Variants in GABRG3 observed in about 807,000 individuals in gnomAD.
GABRG3 encodes gamma-aminobutyric acid receptor subunit gamma-3.
GABRG3 carries 25 observed loss-of-function variants against 48.8 expected under a neutral mutation model. That is an observed-to-expected ratio of 0.51 (90% CI 0.37 to 0.72). GABRG3 has a LOEUF of 0.72. Among genes scored for constraint, GABRG3 ranks in the 30% least tolerant of loss-of-function variants. The pLI is 0.00. For missense variants in GABRG3, 394 were observed against 577.9 expected (o/e 0.68, Z 3.26); for synonymous variants, 227 against 217.6 (o/e 1.04, Z -0.38).
rs535295684 is a variant in GABRG3 at position 27,348,155 on chromosome 15, C to CAAAAAAAAAAAAAA, written c.574+19270_574+19271insAAAAAAAAAAAAAA. Among the ~76,000 whole-genome samples the CAAAAAAAAAAAAAA allele has an allele frequency of 4.6e-3, 472 of 102,924 alleles. 74 individuals are homozygous for CAAAAAAAAAAAAAA. Among genetic ancestry groups the CAAAAAAAAAAAAAA allele is most frequent in the African/African-American group, 0.02 (436 of 21,904 alleles). The allele number at this position is 102,924 out of a possible 152,430, so 67.5% of individuals were successfully genotyped here. Reference sequence around the variant, plus strand: ...TGGGTGACAGAGCGAGACTCCATCTCAAATAAATAAAGAGTTGGAGATTTT... The same window carrying CAAAAAAAAAAAAAA: ...TGGGTGACAGAGCGAGACTCCATCTCAAAAAAAAAAAAAAAAATAAATAAAGAGTTGGAGATTTT... On this transcript the variant is annotated intron_variant, in intron 5 of 9. Coordinates refer to ENST00000615808, the MANE Select transcript of GABRG3 (RefSeq NM_033223.5).
intron 5 of GABRG3, among the ~76,000 whole-genome samples, chr15:27,464,503 C>T (rs1016272401): frequency 2.6e-5 from 4 of 152,154 alleles, no homozygotes; most frequent in African/African-American, 9.6e-5. Context: ...TTTCTGGGTC[C>T]TACGGTAACT....
At chr15:27,336,334 A>G (rs548620837) in intron 5 of GABRG3, among the ~76,000 whole-genome samples, 31 of 151,470 alleles carry the variant, frequency 2.0e-4, no homozygotes, top group Non-Finnish European at 3.5e-4. Context: ...AGATGAAGAA[A>G]AAGGAAAGAA....
At position 27,018,834 on chromosome 15, in the gene GABRG3, C is replaced by T. The variant is rs149518335; in HGVS notation, c.203-7920C>T. ...GTTTGCTTATCCCATGTACCTTTTA[C>T]CCAAATTCTTCCACTTAGTCCCCAT... On this transcript the variant is annotated intron_variant, in intron 2 of 9. Coordinates refer to ENST00000615808, the MANE Select transcript of GABRG3 (RefSeq NM_033223.5). 6.1e-3 allele frequency among the ~76,000 whole-genome samples: 930 copies of T among 152,128 alleles called. 34 individuals are homozygous for T. The highest frequency in any genetic ancestry group is 0.052 in the Admixed American group (788 of 15,264).
At chr15:27,254,822 G>A (rs138712305) in intron 3 of GABRG3, among the ~76,000 whole-genome samples, 76 of 152,242 alleles carry the variant, frequency 5.0e-4, no homozygotes, top group African/African-American at 1.7e-3. Context: ...GCACAGTTGG[G>A]TAGGCACAAA....
intron 5 of GABRG3, among the ~76,000 whole-genome samples, chr15:27,360,071 C>T (rs1188885825): frequency 1.3e-5 from 2 of 152,160 alleles, no homozygotes; most frequent in East Asian, 3.9e-4. Flanking sequence ...GGCCACAGTG[C>T]ACTGGGTCAG....
intron 4 of GABRG3, among the ~76,000 whole-genome samples, 156 bp downstream of exon 4, chr15:27,327,185 A>G (rs1319048400): frequency 6.6e-6 from 1 of 152,208 alleles, no homozygotes; most frequent in Non-Finnish European, 1.5e-5. Context: ...CTCATGCAAC[A>G]TGTGTAAAAA....
chr15:27,449,029 G>C (rs1187927996), intron 5 of GABRG3, among the ~76,000 whole-genome samples: 3 of 152,112 alleles, frequency 2.0e-5, no homozygotes, highest in Non-Finnish European at 4.4e-5. Flanking sequence ...CTCCAAGAGG[G>C]GAGTAGAGTG....
chr15:27,092,841 A>G (rs1485650061), intron 3 of GABRG3, among the ~76,000 whole-genome samples: 1 of 152,004 alleles, frequency 6.6e-6, no homozygotes, highest in African/African-American at 2.4e-5. Context: ...TCCCTCCCAG[A>G]AGAGTGTCCC....
chr15:27,379,441 C>G (rs1279792857), intron 5 of GABRG3, among the ~76,000 whole-genome samples: 1 of 152,166 alleles, frequency 6.6e-6, no homozygotes, highest in Non-Finnish European at 1.5e-5. Context: ...TTTGAACAAA[C>G]TATTATCTGT....
chr15:27,226,725 C>G lies in GABRG3; in HGVS notation c.271-100084C>G, dbSNP rs556368191. Among the ~76,000 whole-genome samples, 20 of 152,314 alleles carry G rather than the reference C, an allele frequency of 1.3e-4. 1 individual carries two copies. Among genetic ancestry groups the G allele is most frequent in the African/African-American group, 3.8e-4 (16 of 41,590 alleles). ...TTCCTGGAGTGACGGGCACATAACT[C>G]TCCTGACCAGCAGATCCCCCTCTGG... On this transcript the variant is annotated intron_variant, in intron 3 of 9. Coordinates refer to ENST00000615808, the MANE Select transcript of GABRG3 (RefSeq NM_033223.5).
chr15:27,349,961 C>CA lies in GABRG3; in HGVS notation c.574+21082dup, dbSNP rs374395293. Reference sequence around the variant, plus strand: ...TTTTTTTTTTCTTCAGTGACAATAACAAAAAAAAACCTAACTTTCCCATCG... The same window carrying CA: ...TTTTTTTTTTCTTCAGTGACAATAACAAAAAAAAAACCTAACTTTCCCATCG... On this transcript the variant is annotated intron_variant, in intron 5 of 9. Coordinates refer to ENST00000615808, the MANE Select transcript of GABRG3 (RefSeq NM_033223.5). 4.4e-4 allele frequency among the ~76,000 whole-genome samples: 65 copies of CA among 146,730 alleles called. 1 individual carries two copies. Among genetic ancestry groups the CA allele is most frequent in the African/African-American group, 1.2e-3 (48 of 39,874 alleles).
intron 3 of GABRG3, among the ~76,000 whole-genome samples, chr15:27,120,532 T>C (rs1425574131): frequency 6.6e-6 from 1 of 152,164 alleles, no homozygotes; most frequent in African/African-American, 2.4e-5. Context: ...GGTCATGATA[T>C]TTTATCTTTG....
chr15:27,207,010 C>T lies in GABRG3; in HGVS notation c.271-119799C>T, dbSNP rs570134941. Among the ~76,000 whole-genome samples, 47 of 152,214 alleles carry T rather than the reference C, an allele frequency of 3.1e-4. 1 individual carries two copies. The highest frequency in any genetic ancestry group is 2.1e-3 in the South Asian group (10 of 4,812). On this transcript the variant is annotated intron_variant, in intron 3 of 9. Coordinates refer to ENST00000615808, the MANE Select transcript of GABRG3 (RefSeq NM_033223.5). ...TTTGGCTTCTTTATCCAAGATGCCA[C>T]GCTGTGCCTTTTGAGTGGGGTGTTT...
chr15:27,455,890 T>G (rs1266468092), intron 5 of GABRG3, among the ~76,000 whole-genome samples: 1 of 152,148 alleles, frequency 6.6e-6, no homozygotes, highest in Non-Finnish European at 1.5e-5. Context: ...CCTCCAATTC[T>G]GGGACCCCTG....
chr15:27,444,412 A>G (rs1888881241), intron 5 of GABRG3, among the ~76,000 whole-genome samples: 1 of 152,172 alleles, frequency 6.6e-6, no homozygotes, highest in Non-Finnish European at 1.5e-5. Flanking sequence ...ATTTTCTCTT[A>G]AAGTCCATAT....
At chr15:27,238,544 A>G (rs1179000763) in intron 3 of GABRG3, among the ~76,000 whole-genome samples, 1 of 152,240 alleles carries the variant, frequency 6.6e-6, no homozygotes, top group Non-Finnish European at 1.5e-5. Context: ...TCTATTCTGT[A>G]ACAGGAGGAA....
chr15:27,158,847 C>T (rs1898501896), intron 3 of GABRG3, among the ~76,000 whole-genome samples: 4 of 152,110 alleles, frequency 2.6e-5, no homozygotes, highest in African/African-American at 9.7e-5. Context: ...TGGCAAATTA[C>T]CACCTGAATA....
At chr15:27,445,733 G>GT (rs546144457) in intron 5 of GABRG3, among the ~76,000 whole-genome samples, 125 of 152,084 alleles carry the variant, frequency 8.2e-4, no homozygotes, top group African/African-American at 2.7e-3. Flanking sequence ...ATCTAAGAGG[G>GT]TTTTTTTAAC....
chr15:27,316,945 A>G (rs971862867), intron 3 of GABRG3, among the ~76,000 whole-genome samples: 2 of 152,194 alleles, frequency 1.3e-5, no homozygotes, highest in African/African-American at 4.8e-5. Flanking sequence ...GTGTCTTGTG[A>G]GGTCACGAAG....
Sources: allele counts gnomAD v4.1 joint callset (sites outside exome capture counted in the v4.1 genomes callset), GRCh38; gene constraint gnomAD v4.1.1; transcripts MANE v1.5; gene names NCBI Gene and HGNC (gene_info 2026-07-23, HGNC 2026-07-21).